The following FAM98A variants were observed in gnomAD, a reference collection of about 807,000 sequenced individuals.
FAM98A encodes protein FAM98A.
In FAM98A, 25 loss-of-function variants were observed where a neutral mutation model predicts 62.9. That is an observed-to-expected ratio of 0.40 (90% confidence interval 0.29 to 0.56). FAM98A has a LOEUF of 0.56. FAM98A is among the 20% of genes least tolerant of loss of function. The pLI is 0.51. For missense variants in FAM98A, 653 were observed against 640.7 expected, an observed-to-expected ratio of 1.02 and a Z score of -0.21; for synonymous variants, 252 against 228.6, an observed-to-expected ratio of 1.10 and a Z score of -0.92.
At chr2:33,586,794 A>G in intron 5 of FAM98A, 116 bp from the exon 6 acceptor site, 1 of 659,214 alleles carries the variant, frequency 1.5e-6, no homozygotes, top group Non-Finnish European at 2.7e-6. Context: ...TTTAACAGTC[A>G]AAAGTTCTTA....
chr2:33,590,441 C>T (rs572878077), intron 3 of FAM98A, among the ~76,000 whole-genome samples: 21 of 152,220 alleles, frequency 1.4e-4, no homozygotes, highest in African/African-American at 4.1e-4. Flanking sequence ...ACAACTGATA[C>T]TTCAAAAGAT....
rs1180662660 is a variant in FAM98A at position 33,585,201 on chromosome 2, T to G, written c.1132A>C (p.Lys378Gln). Reference sequence around the variant, plus strand: ...CCATCTGTCCAGCCTCCTTGATGCTTATTTCCTCTTCCTCCCCCTCGGCCA... The same window carrying G: ...CCATCTGTCCAGCCTCCTTGATGCTGATTTCCTCTTCCTCCCCCTCGGCCA... ...HGGRGGGRGN[K>Q]HQGGWTDGGS... Residue 378 changes from lysine (K) to glutamine (Q), a missense_variant, in exon 8 of 8, where the codon AAG (lysine) becomes CAG (glutamine). By Grantham distance (53) the Lys-to-Gln change is moderately conservative (BLOSUM62 1). Transcript: ENST00000238823. The G allele has an allele frequency of 6.2e-7, 1 of 1,613,808 alleles. No homozygotes were observed. The highest frequency in any genetic ancestry group is 8.5e-7 in the Non-Finnish European group (1 of 1,179,988).
rs1471442346 is a variant in FAM98A, at chr2:33,584,828, C to A, written c.1505G>T (p.Gly502Val). Residue 502 changes from glycine to valine, a missense_variant, in exon 8 of 8, where the codon GGT becomes GTT. Physicochemically the swap from Gly to Val is moderately radical, Grantham distance 109. Coordinates refer to ENST00000238823, the MANE Select transcript of FAM98A (RefSeq NM_015475.5). ...GQFEQHFQHGGYQYNHSGFGQ... is the reference protein window; with the variant it reads ...GQFEQHFQHGVYQYNHSGFGQ... ...AAATCCAGAATGATTATACTGATAA[C>A]CTCCATGCTGGAAATGCTGTTCAAA... is the stretch of plus-strand genomic sequence containing the variant. 6.2e-7 allele frequency: 1 copy of A among 1,614,006 alleles called. No individual in the cohort carries two copies. The highest frequency in any genetic ancestry group is 2.2e-5 in the East Asian group (1 of 44,884).
intron 1 of FAM98A, among the ~76,000 whole-genome samples, chr2:33,596,523 TCA>T (rs1376566326): frequency 6.6e-6 from 1 of 152,196 alleles, no homozygotes; most frequent in East Asian, 1.9e-4. Context: ...TACATATTAT[TCA>T]GATTGCTTTA....
At chr2:33,595,292 T>C (rs1677783521) in intron 2 of FAM98A, among the ~76,000 whole-genome samples, 197 bp downstream of exon 2, 1 of 152,210 alleles carries the variant, frequency 6.6e-6, no homozygotes. Flanking sequence ...AATTTTTAAG[T>C]TACATGACTT....
rs780805786 is a variant in FAM98A at position 33,584,844 on chromosome 2, G to T, written c.1489C>A (p.His497Asn). The T allele has an allele frequency of 6.2e-7, 1 of 1,614,106 alleles. No homozygotes were observed. Among genetic ancestry groups the T allele is most frequent in the South Asian group, 1.1e-5 (1 of 91,078 alleles). The change falls in exon 8 of 8, where the codon CAT becomes AAT. Residue 497 changes from histidine to asparagine, a missense_variant. Coordinates refer to ENST00000238823, the MANE Select transcript of FAM98A (RefSeq NM_015475.5). ...NYHQGGQFEQ[H>N]FQHGGYQYNH... ...TACTGATAACCTCCATGCTGGAAATGCTGTTCAAATTGACCCCCTTGGTGA... is the reference window on the plus strand; with the variant it reads ...TACTGATAACCTCCATGCTGGAAATTCTGTTCAAATTGACCCCCTTGGTGA...
At position 33,584,768 on chromosome 2, in the gene FAM98A, C is replaced by A. The variant is rs200179631; in HGVS notation, c.*8G>T. On this transcript the variant is annotated 3_prime_UTR_variant, in exon 8 of 8. Transcript: ENST00000238823. ...TTGAGCTCTAGCAAAATGTAAGGTT[C>A]GGTAGCCTCAACTAGTGTAATGTCT... The A allele has an allele frequency of 1.8e-4, 286 of 1,577,020 alleles. No homozygotes were observed. In the African/African-American group the frequency reaches 3.1e-3, roughly 17 times the overall value.
chr2:33,588,102 T>C, intron 4 of FAM98A: 1 of 527,206 alleles, frequency 1.9e-6, no homozygotes, highest in East Asian at 3.9e-5. Flanking sequence ...CAAACCAGTG[T>C]AAAGTTTCCT....
intron 2 of FAM98A, among the ~76,000 whole-genome samples, chr2:33,595,145 T>C (rs528262530): frequency 3.3e-5 from 5 of 152,308 alleles, no homozygotes; most frequent in African/African-American, 1.2e-4. Context: ...AAAAGAAAAA[T>C]ATCCCAGTAT....
chr2:33,589,315 A>G (rs1420982814), intron 3 of FAM98A: 4 of 152,208 alleles, frequency 2.6e-5, no homozygotes, highest in Non-Finnish European at 5.9e-5. Flanking sequence ...AGGTATAAAT[A>G]TTCAATCTCA....
At chr2:33,598,416 T>G (rs193103003) in intron 1 of FAM98A, among the ~76,000 whole-genome samples, 2 of 152,302 alleles carry the variant, frequency 1.3e-5, no homozygotes, top group East Asian at 1.9e-4. Context: ...GGTGACCCAG[T>G]GAGATAACAA....
At chr2:33,599,136 G>A in intron 1 of FAM98A, 33 bp downstream of exon 1, 1 of 1,598,202 alleles carries the variant, frequency 6.3e-7, no homozygotes, top group Non-Finnish European at 8.6e-7. Flanking sequence ...CGGCAGCGTG[G>A]GGCTTGGGAG....
chr2:33,587,051 C>T (rs1308644433), intron 5 of FAM98A, among the ~76,000 whole-genome samples, 189 bp downstream of exon 5: 1 of 152,190 alleles, frequency 6.6e-6, no homozygotes, highest in Admixed American at 6.5e-5. Flanking sequence ...GAGAAAAGTG[C>T]TTCTAATCTT....
intron 1 of FAM98A, among the ~76,000 whole-genome samples, chr2:33,596,600 A>G (rs934832532): frequency 2.0e-5 from 3 of 152,206 alleles, no homozygotes; most frequent in Non-Finnish European, 4.4e-5. Context: ...TTAAGATAAT[A>G]TAATGTTTAG....
intron 1 of FAM98A, 139 bp from the exon 2 acceptor site, chr2:33,595,776 A>T (rs1677798546): frequency 3.5e-6 from 2 of 567,430 alleles, no homozygotes; most frequent in Non-Finnish European, 5.8e-6. Context: ...TTAAATGGAC[A>T]AATATAAACA....
At chr2:33,587,204 T>G (rs748277434) in intron 5 of FAM98A, 36 bp downstream of exon 5, 8 of 1,293,822 alleles carry the variant, frequency 6.2e-6, no homozygotes, top group Non-Finnish European at 8.9e-6. Context: ...ACTCTATAGT[T>G]CTTTACAAAG....
chr2:33,589,798 A>G (rs1403497699), intron 3 of FAM98A: 1 of 152,172 alleles, frequency 6.6e-6, no homozygotes, highest in African/African-American at 2.4e-5. Context: ...ACTCATTTAT[A>G]TATTGTCTAT....
chr2:33,597,234 C>G (rs1572421356), intron 1 of FAM98A, among the ~76,000 whole-genome samples: 1 of 152,194 alleles, frequency 6.6e-6, no homozygotes, highest in Admixed American at 6.5e-5. Flanking sequence ...TGGCATACAC[C>G]TGTAGTCCCA....
intron 6 of FAM98A, 64 bp downstream of exon 6, chr2:33,586,498 T>A (rs1201664224): frequency 1.8e-6 from 2 of 1,082,316 alleles, no homozygotes; most frequent in Non-Finnish European, 2.8e-6. Context: ...AGTAGCTAAA[T>A]TGTTTAGATG....
Sources: gnomAD v4.1 joint callset for allele counts (sites outside exome capture counted in the v4.1 genomes callset) on GRCh38, gnomAD v4.1.1 for gene constraint, MANE v1.5 for transcripts, NCBI Gene and HGNC (gene_info 2026-07-23, HGNC 2026-07-21) for gene names.